Variants in ZNF469 observed in about 807,000 individuals in gnomAD.
ZNF469 encodes zinc finger protein 469.
Under a neutral mutation model 1.0 loss-of-function variants are expected in ZNF469, and 1 was observed. That is an observed-to-expected ratio of 1.00 (90% CI 0.35 to 4.73). The LOEUF is 4.73. ZNF469 is among the 30% of genes most tolerant of loss of function. ZNF469 has a pLI of 0.16. For missense variants in ZNF469, 6,100 were observed against 5,356.3 expected (o/e 1.14, Z -4.33); for synonymous variants, 2,703 against 2,363.4 (o/e 1.14, Z -4.17).
the ZNF469 span, among the ~76,000 whole-genome samples, chr16:88,322,548 G>A: frequency 6.6e-6 from 1 of 152,230 alleles, no homozygotes; most frequent in Non-Finnish European, 1.5e-5. Context: ...GATGGCGGGA[G>A]CTACGGCAAG....
the ZNF469 span, among the ~76,000 whole-genome samples, chr16:88,229,397 G>A: frequency 1.7e-4 from 26 of 152,326 alleles, no homozygotes; most frequent in South Asian, 1.0e-3. Flanking sequence ...AGGACTTAAC[G>A]ATGATCTGGA....
chr16:88,222,654 G>A, the ZNF469 span, among the ~76,000 whole-genome samples: 1 of 152,122 alleles, frequency 6.6e-6, no homozygotes, highest in Non-Finnish European at 1.5e-5. Flanking sequence ...CTACTAGGGA[G>A]GCTGAGGCAG....
At chr16:88,195,716 T>C in the ZNF469 span, among the ~76,000 whole-genome samples, 1 of 152,210 alleles carries the variant, frequency 6.6e-6, no homozygotes, top group Non-Finnish European at 1.5e-5. Context: ...CTCTGAGACC[T>C]CGGGGTGTCC....
At chr16:88,395,755 ACT>A (rs1460164570) in intron 1 of ZNF469, among the ~76,000 whole-genome samples, 1 of 152,174 alleles carries the variant, frequency 6.6e-6, no homozygotes, top group African/African-American at 2.4e-5. Context: ...TCTGATCTTC[ACT>A]CTATGCTGGG....
the ZNF469 span, among the ~76,000 whole-genome samples, chr16:88,272,896 G>A: frequency 1.0e-4 from 13 of 129,644 alleles, no homozygotes; most frequent in East Asian, 7.3e-4. Context: ...ACGAGTGGAC[G>A]GGTGGATGAA....
At chr16:88,354,076 A>G in the ZNF469 span, among the ~76,000 whole-genome samples, 1 of 152,200 alleles carries the variant, frequency 6.6e-6, no homozygotes, top group Admixed American at 6.5e-5. Flanking sequence ...CTGCAACCTC[A>G]GCACTGGGGA....
rs1295555237 is a variant in ZNF469, at chr16:88,385,270, A to G, written c.-192+2016A>G. ...CCGATAGTGCCCTAGATATCAGGCC[A>G]TGGTGGACTCATCTGGAGCCCAGAT... On this transcript the variant is annotated intron_variant, in intron 1 of 2. Transcript: ENST00000565624. 2.0e-5 allele frequency among the ~76,000 whole-genome samples: 3 copies of G among 152,032 alleles called. No individual in the cohort carries two copies. The East Asian group carries it at 5.8e-4, about 29-fold the overall frequency.
the ZNF469 span, among the ~76,000 whole-genome samples, chr16:88,147,991 A>G: frequency 1.4e-4 from 22 of 151,882 alleles, no homozygotes; most frequent in African/African-American, 4.8e-4. Context: ...GAAGCCTGCA[A>G]TGGGGCAGCG....
At chr16:88,254,622 G>T in the ZNF469 span, among the ~76,000 whole-genome samples, 1 of 152,184 alleles carries the variant, frequency 6.6e-6, no homozygotes, top group Non-Finnish European at 1.5e-5. Flanking sequence ...GCCGGGCGTG[G>T]TGGCACATGC....
the ZNF469 span, among the ~76,000 whole-genome samples, chr16:88,293,102 A>G: frequency 6.6e-6 from 1 of 152,114 alleles, no homozygotes; most frequent in Non-Finnish European, 1.5e-5. Context: ...GGATGGATGG[A>G]TGGGTGGATG....
chr16:88,235,607 G>A, the ZNF469 span, among the ~76,000 whole-genome samples: 1 of 152,322 alleles, frequency 6.6e-6, no homozygotes, highest in East Asian at 1.9e-4. Flanking sequence ...TCCTTGTCTT[G>A]AATTCCTCCC....
chr16:88,414,799 GGTCCACGCAGGACAGCCCCGCCCAGAC>G (rs1255238545), intron 1 of ZNF469, among the ~76,000 whole-genome samples: 1 of 152,258 alleles, frequency 6.6e-6, no homozygotes, highest in Non-Finnish European at 1.5e-5. Context: ...TGTGGCCAGA[GGTCCACGCAGGACAGCCCCGCCCAGAC>G]GTCCACTGCC....
chr16:88,208,653 A>T, the ZNF469 span, among the ~76,000 whole-genome samples: 1 of 133,144 alleles, frequency 7.5e-6, no homozygotes, highest in East Asian at 2.5e-4. Flanking sequence ...GGAAGAAGAG[A>T]TGGAGGGAGG....
chr16:88,240,588 A>G, the ZNF469 span, among the ~76,000 whole-genome samples: 4 of 152,232 alleles, frequency 2.6e-5, no homozygotes, highest in African/African-American at 9.6e-5. Flanking sequence ...CCAGAGAGCG[A>G]GAGAAGCGTC....
the ZNF469 span, chr16:88,178,865 C>T: frequency 0.1 from 15,132 of 145,068 alleles, 788 homozygotes; most frequent in Admixed American, 0.18. Flanking sequence ...ACCTGGAGGC[C>T]GCCTTCACCT....
the ZNF469 span, among the ~76,000 whole-genome samples, chr16:88,102,857 C>T: frequency 2.6e-5 from 4 of 152,346 alleles, no homozygotes; most frequent in Admixed American, 2.0e-4. Flanking sequence ...CCCTTGGCCT[C>T]GTGTCTGTGC....
At chr16:88,409,036 G>C (rs2142281334) in intron 1 of ZNF469, among the ~76,000 whole-genome samples, 1 of 152,368 alleles carries the variant, frequency 6.6e-6, no homozygotes, top group African/African-American at 2.4e-5. Flanking sequence ...CTAGCTGCAG[G>C]GGAGATGGGG....
rs1906355197 is a variant in ZNF469 at position 88,433,604 on chromosome 16, C to T, written c.6134C>T (p.Ala2045Val). The T allele has an allele frequency of 6.5e-7, 1 of 1,550,224 alleles. No individual in the cohort carries two copies. Among genetic ancestry groups the T allele is most frequent in the African/African-American group, 1.4e-5 (1 of 73,056 alleles). ...LLEKCKGSRA[A>V]MSLQEEAEPT... ...GAGAAATGCAAGGGAAGCAGGGCAG[C>T]CATGAGCCTTCAGGAGGAGGCCGAG... is the stretch of plus-strand genomic sequence containing the variant. The change falls in exon 3 of 3, where the codon GCC becomes GTC. Residue 2045 changes from alanine (A) to valine (V), a missense_variant. Physicochemically the swap from Ala to Val is moderately conservative, Grantham distance 64. Coordinates refer to ENST00000565624, the MANE Select transcript of ZNF469 (RefSeq NM_001367624.2).
chr16:88,366,977 A>G, the ZNF469 span, among the ~76,000 whole-genome samples: 2 of 152,134 alleles, frequency 1.3e-5, no homozygotes, highest in African/African-American at 4.8e-5. Flanking sequence ...CATTACCACC[A>G]TCACTGACAC....
Sources: allele counts gnomAD v4.1 joint callset (sites outside exome capture counted in the v4.1 genomes callset), GRCh38; gene constraint gnomAD v4.1.1; transcripts MANE v1.5; gene names NCBI Gene and HGNC (gene_info 2026-07-23, HGNC 2026-07-21).